DNAH11: variants seen among roughly 807,000 people sequenced by gnomAD.
The protein encoded by DNAH11 is dynein axonemal heavy chain 11.
DNAH11 carries 442 observed loss-of-function variants against 526.0 expected under a neutral mutation model. The ratio of observed to expected loss-of-function variants is 0.84; its 90% CI spans 0.78 to 0.91. The LOEUF is 0.91. DNAH11 is among the 40% of genes least tolerant of loss of function. The pLI is 0.00. For synonymous variants in DNAH11, 2,461 were observed against 1,935.9 expected (o/e 1.27, Z -7.12); for missense variants, 6,989 against 5,448.7 (o/e 1.28, Z -8.90).
At position 21,779,132 on chromosome 7, in the gene DNAH11, C is replaced by T. The variant is rs186115981; in HGVS notation, c.9483+28C>T. On this transcript the variant is annotated intron_variant, in intron 57 of 81. Coordinates refer to ENST00000409508, the MANE Select transcript of DNAH11 (RefSeq NM_001277115.2). The stretch of plus-strand genomic sequence containing the variant: ...CAGGCTAATTCCAACATTTAGAGTG[C>T]GGAGCTATATTTAGCACAAAATAAA... 207 of 1,599,648 alleles carry T rather than the reference C, an allele frequency of 1.3e-4. 1 individual carries two copies. The African/African-American group carries it at 2.2e-3, about 17-fold the overall frequency.
intron 79 of DNAH11, 85 bp downstream of exon 79, chr7:21,895,084 T>G: frequency 1.2e-5 from 13 of 1,118,162 alleles, no homozygotes; most frequent in Non-Finnish European, 1.5e-5. Context: ...CTAAGAACTA[T>G]GCAGACGGAG....
At chr7:21,790,290 C>CA (rs1485667050) in intron 61 of DNAH11, among the ~76,000 whole-genome samples, 6 of 151,838 alleles carry the variant, frequency 4.0e-5, no homozygotes, top group Admixed American at 3.3e-4. Context: ...ACTAAAAATA[C>CA]AAAAAGAAAT....
Position 21,701,238 on chromosome 7 carries a change from G to A in DNAH11, c.6181-1472G>A, listed in dbSNP as rs115482567. Among the ~76,000 whole-genome samples, 649 of 151,160 alleles carry A rather than the reference G, an allele frequency of 4.3e-3. 5 individuals are homozygous for A. Among genetic ancestry groups the A allele is most frequent in the African/African-American group, 0.015 (612 of 41,094 alleles). On this transcript the variant is annotated intron_variant, in intron 36 of 81. Transcript: ENST00000409508. ...AAAATAATTCTTCTATTGTGACTCAGTGCATACACACATGTACAACTGAAC... is the reference window on the plus strand; with the variant it reads ...AAAATAATTCTTCTATTGTGACTCAATGCATACACACATGTACAACTGAAC...
chr7:21,556,330 C>T, intron 2 of DNAH11, among the ~76,000 whole-genome samples: 1 of 152,112 alleles, frequency 6.6e-6, no homozygotes, highest in East Asian at 1.9e-4. Flanking sequence ...AAAATGGACC[C>T]TTTAAAATGT....
chr7:21,860,386 A>G (rs902977535), intron 68 of DNAH11, among the ~76,000 whole-genome samples: 1 of 152,186 alleles, frequency 6.6e-6, no homozygotes, highest in Non-Finnish European at 1.5e-5. Flanking sequence ...ACAGTGTAGC[A>G]ATTCCTCAGA....
chr7:21,889,399 G>A (rs1054065778), intron 76 of DNAH11, among the ~76,000 whole-genome samples: 5 of 152,032 alleles, frequency 3.3e-5, no homozygotes, highest in Admixed American at 1.3e-4. Flanking sequence ...CAATTCTTTC[G>A]GATATGTACC....
intron 56 of DNAH11, 80 bp from the exon 57 acceptor site, chr7:21,778,878 A>G (rs1407713234): frequency 6.6e-7 from 1 of 1,518,860 alleles, no homozygotes; most frequent in South Asian, 1.3e-5. Context: ...AGATCCCTGA[A>G]TTCATTCCCA....
At chr7:21,837,321 C>A (rs1283392456) in intron 65 of DNAH11, among the ~76,000 whole-genome samples, 1 of 152,090 alleles carries the variant, frequency 6.6e-6, no homozygotes, top group Non-Finnish European at 1.5e-5. Context: ...TAGCCAAGAT[C>A]TGGAGTCAAC....
chr7:21,678,144 C>G (rs993471576), intron 30 of DNAH11, among the ~76,000 whole-genome samples: 3 of 148,804 alleles, frequency 2.0e-5, no homozygotes, highest in African/African-American at 7.4e-5. Flanking sequence ...AAATCATTGT[C>G]AAGACCAAAG....
chr7:21,846,889 AG>A (rs1400232294), intron 66 of DNAH11, among the ~76,000 whole-genome samples: 1 of 152,158 alleles, frequency 6.6e-6, no homozygotes, highest in Non-Finnish European at 1.5e-5. Flanking sequence ...TAATGCATAT[AG>A]GCCTTTTCAG....
chr7:21,605,573 TC>T (rs1785247638), intron 18 of DNAH11, among the ~76,000 whole-genome samples: 1 of 152,102 alleles, frequency 6.6e-6, no homozygotes. Context: ...AAACTCCTAG[TC>T]CCCTAAAATA....
At chr7:21,878,770 C>G (rs1783806470) in intron 74 of DNAH11, among the ~76,000 whole-genome samples, 1 of 152,138 alleles carries the variant, frequency 6.6e-6, no homozygotes, top group South Asian at 2.1e-4. Context: ...CCACAGAGAA[C>G]AAATCTGGTC....
At chr7:21,551,700 A>G (rs998188070) in intron 2 of DNAH11, among the ~76,000 whole-genome samples, 2 of 152,146 alleles carry the variant, frequency 1.3e-5, no homozygotes, top group African/African-American at 4.8e-5. Flanking sequence ...CCTATCCACA[A>G]ATAGCCTTAT....
chr7:21,856,751 A>T (rs1049571269), intron 68 of DNAH11, among the ~76,000 whole-genome samples: 3 of 149,346 alleles, frequency 2.0e-5, no homozygotes, highest in African/African-American at 7.5e-5. Flanking sequence ...ATTTCAGTTG[A>T]TGCAAAGAAC....
rs1343407502 is a variant in DNAH11, at chr7:21,874,142, AAAGAG to A, written c.12195+646_12195+650del. 4.6e-4 allele frequency among the ~76,000 whole-genome samples: 70 copies of A among 152,222 alleles called. 1 individual carries two copies. The highest frequency in any genetic ancestry group is 4.6e-3 in the Admixed American group (70 of 15,286). On this transcript the variant is annotated intron_variant, in intron 74 of 81. Transcript: ENST00000409508. Reference sequence around the variant, plus strand: ...GGCACACTAGTATCTCTGACCACAGAAAGAGAAGAAGCCATTGTTATTCTTGTTGA... The same window carrying A: ...GGCACACTAGTATCTCTGACCACAGAAAGAAGCCATTGTTATTCTTGTTGA...
chr7:21,795,991 C>T (rs1196323701), intron 61 of DNAH11, among the ~76,000 whole-genome samples: 1 of 126,522 alleles, frequency 7.9e-6, no homozygotes, highest in Non-Finnish European at 1.7e-5. Context: ...AGTACCTCAA[C>T]ATGACTGAAG....
chr7:21,876,657 C>G lies in DNAH11; in HGVS notation c.12195+3156C>G, dbSNP rs553407641. ...CATCAATCTGGCTCTTTATAGTTCACCATTTCTAGAATGGGCTTTTCACGG... is the reference window on the plus strand; with the variant it reads ...CATCAATCTGGCTCTTTATAGTTCAGCATTTCTAGAATGGGCTTTTCACGG... On this transcript the variant is annotated intron_variant, in intron 74 of 81. Transcript: ENST00000409508. 3.9e-5 allele frequency among the ~76,000 whole-genome samples: 6 copies of G among 152,350 alleles called. No individual in the cohort carries two copies. The South Asian group carries it at 1.2e-3, about 32-fold the overall frequency.
chr7:21,594,059 CACAT>C (rs1562686729), intron 14 of DNAH11, among the ~76,000 whole-genome samples: 4 of 126,332 alleles, frequency 3.2e-5, no homozygotes, highest in Non-Finnish European at 6.7e-5. Flanking sequence ...CTTTCATACA[CACAT>C]ACACACACAC....
chr7:21,798,594 C>CA (rs1788822013), intron 61 of DNAH11, among the ~76,000 whole-genome samples: 1 of 152,190 alleles, frequency 6.6e-6, no homozygotes. Context: ...TTTTTTCACT[C>CA]ACTTGCTAGT....
Sources: allele counts gnomAD v4.1 joint callset (sites outside exome capture counted in the v4.1 genomes callset), GRCh38; gene constraint gnomAD v4.1.1; transcripts MANE v1.5; gene names NCBI Gene and HGNC (gene_info 2026-07-23, HGNC 2026-07-21).